Variants in POLR3E observed in about 807,000 individuals in gnomAD.
POLR3E encodes the protein DNA-directed RNA polymerase III subunit RPC5.
Under a neutral mutation model 96.6 loss-of-function variants are expected in POLR3E, and 41 were observed. The ratio of observed to expected loss-of-function variants is 0.42; its 90% CI spans 0.33 to 0.55. The LOEUF is 0.55. Among genes scored for constraint, POLR3E ranks in the 20% least tolerant of loss-of-function variants. The probability of loss-of-function intolerance (pLI) is 0.06; values close to 1 mark genes in which losing one functional copy is unlikely to be tolerated. For synonymous variants in POLR3E, 396 were observed against 383.6 expected, an observed-to-expected ratio of 1.03 and a Z score of -0.38; for missense variants, 849 against 952.1, an observed-to-expected ratio of 0.89 and a Z score of 1.43.
At chr16:22,333,575 A>G (rs1202425458) in intron 20 of POLR3E, 69 bp from the exon 21 acceptor site, 2 of 1,046,542 alleles carry the variant, frequency 1.9e-6, no homozygotes, top group African/African-American at 1.6e-5. Flanking sequence ...GAGTGTTGAC[A>G]TTGTGGACAG....
In POLR3E at chr16:22,333,833, C is replaced by T. The variant is rs530051145; in HGVS notation, c.*133C>T. On this transcript the variant is annotated 3_prime_UTR_variant, in exon 21 of 21. Transcript: ENST00000299853. ...CCATCTCATGACCTGTGGCATTGCA[C>T]GGTGCAGTGGACAGAAGGGATTATC... 32 of 677,094 alleles carry T rather than the reference C, an allele frequency of 4.7e-5. No homozygotes were observed. The highest frequency in any genetic ancestry group is 2.4e-4 in the Admixed American group (11 of 45,690). The allele number at this position is 677,094 out of a possible 1,614,324, so 41.9% of individuals were successfully genotyped here. A position where few individuals can be genotyped will look rare whatever the true frequency, so the allele number is the denominator to read the frequency against.
chr16:22,317,091 A>T, intron 11 of POLR3E, 24 bp from the exon 12 acceptor site: 1 of 1,613,682 alleles, frequency 6.2e-7, no homozygotes, highest in Middle Eastern at 1.7e-4. Context: ...GCTGCCTCTA[A>T]CCCGTCCCCT....
intron 14 of POLR3E, among the ~76,000 whole-genome samples, chr16:22,324,046 C>T (rs962257099): frequency 2.0e-5 from 3 of 151,684 alleles, no homozygotes; most frequent in Non-Finnish European, 4.4e-5. Context: ...GAGCCCCTCC[C>T]AGCCCGAGTC....
At chr16:22,326,561 C>G in intron 18 of POLR3E, 1 of 529,608 alleles carries the variant, frequency 1.9e-6, no homozygotes, top group South Asian at 2.2e-5. Context: ...AGGGCCCCTG[C>G]CTGGTTTCTC....
intron 20 of POLR3E, among the ~76,000 whole-genome samples, 176 bp downstream of exon 20, chr16:22,332,361 AG>A (rs750473541): frequency 7.9e-5 from 12 of 152,174 alleles, no homozygotes; most frequent in Non-Finnish European, 1.8e-4. Flanking sequence ...TGGTTGGGGA[AG>A]GGGGTATGTG....
rs376678089 is a variant in POLR3E, at chr16:22,315,085, G to A, written c.523-4G>A. On this transcript the variant is annotated splice_region_variant and splice_polypyrimidine_tract_variant and intron_variant, in intron 8 of 20. Transcript: ENST00000299853. Reference sequence around the variant, plus strand: ...GGTATGACCTCTTCCCCTTCCCACCGCAGGTGCGGTTCTCCCGGCCGGAGT... The same window carrying A: ...GGTATGACCTCTTCCCCTTCCCACCACAGGTGCGGTTCTCCCGGCCGGAGT... 74 of 1,612,670 alleles carry A rather than the reference G, an allele frequency of 4.6e-5. No individual in the cohort carries two copies. Among genetic ancestry groups the A allele is most frequent in the East Asian group, 3.8e-4 (17 of 44,878 alleles).
chr16:22,331,472 C>T (rs1267504124), intron 19 of POLR3E: 1 of 152,342 alleles, frequency 6.6e-6, no homozygotes, highest in East Asian at 1.9e-4. Flanking sequence ...TTGTACTAGA[C>T]AATTGAGTTC....
chr16:22,308,833 G>A lies in POLR3E; in HGVS notation c.166-92G>A. ...CAGTCTCGCTTCCGGGCAGGGTCCT[G>A]GTTAGGAGGTGGCCATGGTGGGGTT... On this transcript the variant is annotated intron_variant, in intron 4 of 20. Transcript: ENST00000299853. 3.8e-6 allele frequency: 3 copies of A among 787,100 alleles called. No homozygotes were observed. In the South Asian group the frequency reaches 4.8e-5, roughly 13 times the overall value. The allele number at this position is 787,100 out of a possible 1,614,324, so 48.8% of individuals were successfully genotyped here.
At chr16:22,325,400 C>A in intron 17 of POLR3E, 134 bp downstream of exon 17, 1 of 763,692 alleles carries the variant, frequency 1.3e-6, no homozygotes. Context: ...CACCCTCCTT[C>A]CTTTCCTGCC....
rs778320706 is a variant in POLR3E at position 22,313,575 on chromosome 16, G to C, written c.365-45G>C. Reference sequence around the variant, plus strand: ...CTTGGTGACTCTCTTGAGCCAAACTGGGTGGGTTTCTAGAGTTGAGTCCAA... The same window carrying C: ...CTTGGTGACTCTCTTGAGCCAAACTCGGTGGGTTTCTAGAGTTGAGTCCAA... On this transcript the variant is annotated intron_variant, in intron 6 of 20. Coordinates refer to ENST00000299853, the MANE Select transcript of POLR3E (RefSeq NM_018119.4). This position sits in a 1 kb window ranked among gnomAD's most constrained non-coding sequence, Gnocchi z 4.1. 2 of 1,329,628 alleles carry C rather than the reference G, an allele frequency of 1.5e-6. No individual in the cohort carries two copies. Among genetic ancestry groups the C allele is most frequent in the African/African-American group, 2.9e-5 (2 of 69,338 alleles). 82.4% of individuals were successfully genotyped at this position (1,329,628 alleles called of 1,614,324 possible).
chr16:22,318,101 T>C lies in POLR3E; in HGVS notation c.866-725T>C, dbSNP rs914393573. On this transcript the variant is annotated intron_variant, in intron 12 of 20. Coordinates refer to ENST00000299853, the MANE Select transcript of POLR3E (RefSeq NM_018119.4). This position sits in a 1 kb window ranked among gnomAD's most constrained non-coding sequence, Gnocchi z 5.0. ...TTCCTTCCTGCAGAGGACTTCGAACTTTTTTTTTTTTTGAGACAGTCTTGC... is the reference window on the plus strand; with the variant it reads ...TTCCTTCCTGCAGAGGACTTCGAACCTTTTTTTTTTTTGAGACAGTCTTGC... Among the ~76,000 whole-genome samples, 2 of 125,004 alleles carry C rather than the reference T, an allele frequency of 1.6e-5. No homozygotes were observed. The highest frequency in any genetic ancestry group is 4.7e-5 in the African/African-American group (1 of 21,448). The allele number at this position is 125,004 out of a possible 152,430, so 82.0% of individuals were successfully genotyped here. A position where few individuals can be genotyped will look rare whatever the true frequency, so the allele number is the denominator to read the frequency against.
chr16:22,315,557 G>A (rs75258522), intron 9 of POLR3E, among the ~76,000 whole-genome samples: 2,619 of 152,284 alleles, frequency 0.017, 96 homozygotes, highest in East Asian at 0.11. Flanking sequence ...TGTCCTAGAG[G>A]GTCGGTCATG....
intron 19 of POLR3E, among the ~76,000 whole-genome samples, chr16:22,330,839 A>G (rs2048722400): frequency 6.6e-6 from 1 of 152,158 alleles, no homozygotes; most frequent in South Asian, 2.1e-4. Context: ...AATCAAATCC[A>G]TCTCCTCTTA....
At chr16:22,312,948 T>C (rs564581720) in intron 6 of POLR3E, among the ~76,000 whole-genome samples, 7 of 151,124 alleles carry the variant, frequency 4.6e-5, no homozygotes, top group African/African-American at 1.5e-4. Context: ...GAAACTAATC[T>C]GAACACTTAG....
intron 6 of POLR3E, among the ~76,000 whole-genome samples, chr16:22,312,655 A>C (rs928634582): frequency 6.6e-6 from 1 of 152,106 alleles, no homozygotes; most frequent in Non-Finnish European, 1.5e-5. Flanking sequence ...TCACAAGGTC[A>C]GGAGATCAAG....
At chr16:22,305,715 A>C (rs1305932817) in intron 3 of POLR3E, among the ~76,000 whole-genome samples, 2 of 152,138 alleles carry the variant, frequency 1.3e-5, no homozygotes, top group South Asian at 2.1e-4. Context: ...CAGTCCTGCC[A>C]GCTGCGAGGG....
chr16:22,314,898 G>C lies in POLR3E; in HGVS notation c.523-191G>C, dbSNP rs992239143. The C allele has an allele frequency of 4.3e-5, 23 of 537,638 alleles. No homozygotes were observed. The Admixed American group carries it at 5.9e-4, about 14-fold the overall frequency. The allele number at this position is 537,638 out of a possible 1,614,324, so 33.3% of individuals were successfully genotyped here. ...GGGCAGGCACGAGCAAGTATAAGCC[G>C]TTCCCTGGCGTGTGCAGGCAGCTCT... On this transcript the variant is annotated intron_variant, in intron 8 of 20. Coordinates refer to ENST00000299853, the MANE Select transcript of POLR3E (RefSeq NM_018119.4).
chr16:22,305,132 T>G (rs2048107867), intron 2 of POLR3E, 24 bp from the exon 3 acceptor site: 1 of 1,607,104 alleles, frequency 6.2e-7, no homozygotes, highest in East Asian at 2.2e-5. Context: ...GTCTCCCGGT[T>G]AAGTCGTCTT....
At chr16:22,315,856 G>A (rs969696745) in intron 9 of POLR3E, among the ~76,000 whole-genome samples, 1 of 151,966 alleles carries the variant, frequency 6.6e-6, no homozygotes, top group South Asian at 2.1e-4. Context: ...TAGTAGAGAT[G>A]GGGTTTTGCC....
Sources: gnomAD v4.1 joint callset for allele counts (sites outside exome capture counted in the v4.1 genomes callset) on GRCh38, gnomAD v4.1.1 for gene constraint, Gnocchi (gnomAD v3.1) non-coding constraint, MANE v1.5 for transcripts, NCBI Gene and HGNC (gene_info 2026-07-23, HGNC 2026-07-21) for gene names.